Variants in GRAMD1C observed in about 807,000 individuals in gnomAD.
GRAMD1C encodes GRAM domain containing 1C.
A neutral mutation model predicts 97.8 loss-of-function variants in GRAMD1C; 89 were observed. That is an observed-to-expected ratio of 0.91 (90% CI 0.77 to 1.09). The LOEUF is 1.09. Among genes scored for constraint, GRAMD1C ranks in the 50% least tolerant of loss-of-function variants. The pLI is 0.00. For synonymous variants in GRAMD1C, 256 were observed against 267.0 expected, an observed-to-expected ratio of 0.96 and a Z score of 0.40; for missense variants, 740 against 766.4, an observed-to-expected ratio of 0.97 and a Z score of 0.41.
At chr3:113,944,702 T>A (rs963474488) in intron 17 of GRAMD1C, among the ~76,000 whole-genome samples, 1 of 152,194 alleles carries the variant, frequency 6.6e-6, no homozygotes, top group Non-Finnish European at 1.5e-5. Flanking sequence ...GTCTGTAAGC[T>A]CCATGAAGGA....
At chr3:113,863,657 C>T (rs1457891439) in intron 2 of GRAMD1C, among the ~76,000 whole-genome samples, 10 of 149,106 alleles carry the variant, frequency 6.7e-5, no homozygotes, top group Non-Finnish European at 1.5e-5. Context: ...AAGTAAGTGC[C>T]ATGTTGGTAT....
chr3:113,945,622 A>G lies in GRAMD1C; in HGVS notation c.*144A>G, dbSNP rs1016966722. The G allele has an allele frequency of 1.8e-6, 1 of 571,162 alleles. No individual in the cohort carries two copies. The highest frequency in any genetic ancestry group is 1.9e-5 in the African/African-American group (1 of 51,620). The allele number at this position is 571,162 out of a possible 1,614,324, so 35.4% of individuals were successfully genotyped here. A position where few individuals can be genotyped will look rare whatever the true frequency, so the allele number is the denominator to read the frequency against. On this transcript the variant is annotated 3_prime_UTR_variant, in exon 18 of 18. Transcript: ENST00000358160. ...TTCTAATATGAACATTTCTTTCAGT[A>G]ACATTTATTTGATAATTAGTTTCTG...
chr3:113,855,133 G>C (rs1206753922), intron 2 of GRAMD1C, among the ~76,000 whole-genome samples: 1 of 151,922 alleles, frequency 6.6e-6, no homozygotes, highest in Non-Finnish European at 1.5e-5. Flanking sequence ...CCAACATGGA[G>C]AAACCCTGTC....
chr3:113,900,977 T>G, intron 6 of GRAMD1C, 54 bp from the exon 7 acceptor site: 4 of 901,012 alleles, frequency 4.4e-6, no homozygotes, highest in Non-Finnish European at 7.4e-6. Flanking sequence ...TGAATCACTG[T>G]GATATTATAT....
Position 113,933,066 on chromosome 3 carries a change from A to T in GRAMD1C, c.1210-445A>T, listed in dbSNP as rs373576722. Among the ~76,000 whole-genome samples the T allele has an allele frequency of 1.4e-4, 21 of 152,112 alleles. 2 individuals carry two copies. Among genetic ancestry groups the T allele is most frequent in the African/African-American group, 5.1e-4 (21 of 41,496 alleles). ...CTCCTGGCTAATTTTTGTATTTTTA[A>T]GAGAGACGAAGTTTTGCCATGTTGG... is the stretch of plus-strand genomic sequence containing the variant. On this transcript the variant is annotated intron_variant, in intron 11 of 17. Coordinates refer to ENST00000358160, the MANE Select transcript of GRAMD1C (RefSeq NM_017577.5).
At chr3:113,851,280 T>A (rs903202778) in intron 2 of GRAMD1C, among the ~76,000 whole-genome samples, 1 of 152,162 alleles carries the variant, frequency 6.6e-6, no homozygotes. Context: ...ATAGGAGATC[T>A]CAGATTCCTC....
intron 14 of GRAMD1C, 130 bp downstream of exon 14, chr3:113,936,572 A>G: frequency 1.7e-6 from 1 of 585,618 alleles, no homozygotes; most frequent in Non-Finnish European, 3.0e-6. Flanking sequence ...AATGTTTATC[A>G]AACTCTGATT....
intron 7 of GRAMD1C, among the ~76,000 whole-genome samples, chr3:113,903,936 G>A (rs963664324): frequency 7.2e-6 from 1 of 138,052 alleles, no homozygotes; most frequent in Non-Finnish European, 1.7e-5. Context: ...TCCCATGTGA[G>A]TGTATCTTGT....
In GRAMD1C at chr3:113,945,444, A is replaced by G. The variant is rs149363738; in HGVS notation, c.1955A>G (p.Asn652Ser). The G allele has an allele frequency of 1.3e-4, 204 of 1,597,728 alleles. No homozygotes were observed. The highest frequency in any genetic ancestry group is 1.7e-4 in the Admixed American group (10 of 59,770). The part of the protein sequence containing the change: ...IMLQKTFDLL[N>S]KNKTGMAVES Reference sequence around the variant, plus strand: ...CTTCAGAAAACGTTTGATCTACTAAATAAGAATAAGACTGGCATGGCTGTT... The same window carrying G: ...CTTCAGAAAACGTTTGATCTACTAAGTAAGAATAAGACTGGCATGGCTGTT... The change falls in exon 18 of 18, where the codon AAT (asparagine) becomes AGT (serine). Residue 652 changes from asparagine (N) to serine (S), a missense_variant. Coordinates refer to ENST00000358160, the MANE Select transcript of GRAMD1C (RefSeq NM_017577.5).
chr3:113,876,142 A>G (rs755642282), intron 4 of GRAMD1C, 23 bp from the exon 5 acceptor site: 2 of 1,154,714 alleles, frequency 1.7e-6, no homozygotes, highest in Admixed American at 3.7e-5. Context: ...AAAATACATT[A>G]AAAAAATTTT....
Position 113,838,852 on chromosome 3 carries a change from G to C in GRAMD1C, c.-58G>C. 8.3e-7 allele frequency: 1 copy of C among 1,200,420 alleles called. No individual in the cohort carries two copies. The highest frequency in any genetic ancestry group is 1.0e-6 in the Non-Finnish European group (1 of 960,408). 74.4% of individuals were successfully genotyped at this position (1,200,420 alleles called of 1,614,324 possible). On this transcript the variant is annotated 5_prime_UTR_variant, in exon 1 of 18. Transcript: ENST00000358160. ...CTCGCAGCGCGCGCTGGAGGTGGGC[G>C]CGGGGCGGTGCGGTGCGGTGCGCGC... is the stretch of plus-strand genomic sequence containing the variant.
chr3:113,881,069 C>T (rs544019439), intron 5 of GRAMD1C, among the ~76,000 whole-genome samples: 2 of 152,160 alleles, frequency 1.3e-5, no homozygotes, highest in South Asian at 2.1e-4. Context: ...TATGCCCCAG[C>T]GACTTAGAGG....
intron 8 of GRAMD1C, among the ~76,000 whole-genome samples, chr3:113,904,718 TGCTTTTTAA>T (rs568310351): frequency 6.7e-4 from 102 of 152,296 alleles, no homozygotes; most frequent in African/African-American, 2.3e-3. Context: ...TAACAATAGC[TGCTTTTTAA>T]GCTTTTTAAG....
chr3:113,866,487 A>T (rs140537703), intron 2 of GRAMD1C, among the ~76,000 whole-genome samples: 91 of 152,218 alleles, frequency 6.0e-4, no homozygotes, highest in Non-Finnish European at 1.0e-3. Context: ...TGTTTTATCT[A>T]GTTTGACAAT....
At position 113,934,431 on chromosome 3, in the gene GRAMD1C, G is replaced by C. The variant is rs139620995; in HGVS notation, c.1353-1G>C. On this transcript the variant is annotated splice_acceptor_variant, in intron 12 of 17. Transcript: ENST00000358160. LOFTEE classifies it high-confidence loss of function. ...ATATTCTTTCCTTCTTATTCTACTAGAGTTTCCACAGATTTGAAATACAGA... is the reference window on the plus strand; with the variant it reads ...ATATTCTTTCCTTCTTATTCTACTACAGTTTCCACAGATTTGAAATACAGA... 2.5e-5 allele frequency: 34 copies of C among 1,366,906 alleles called. No individual in the cohort carries two copies. Among genetic ancestry groups the C allele is most frequent in the Non-Finnish European group, 3.2e-5 (31 of 972,022 alleles). The allele number at this position is 1,366,906 out of a possible 1,614,324, so 84.7% of individuals were successfully genotyped here.
At chr3:113,840,213 G>A (rs1299831312) in intron 1 of GRAMD1C, among the ~76,000 whole-genome samples, 1 of 152,062 alleles carries the variant, frequency 6.6e-6, no homozygotes, top group Non-Finnish European at 1.5e-5. Context: ...TGATCCGCCC[G>A]CCTCGGCCTC....
At chr3:113,861,881 A>G (rs1934390203) in intron 2 of GRAMD1C, among the ~76,000 whole-genome samples, 2 of 152,198 alleles carry the variant, frequency 1.3e-5, no homozygotes. Flanking sequence ...AAAGGGACAG[A>G]GTACAAAAGA....
chr3:113,938,583 CT>C (rs1341115383), intron 15 of GRAMD1C: 2 of 152,968 alleles, frequency 1.3e-5, no homozygotes, highest in African/African-American at 4.8e-5. Context: ...TTCTTGACCC[CT>C]GTCTCAGAGA....
At chr3:113,933,478 T>G (rs116705499) in intron 11 of GRAMD1C, 33 bp from the exon 12 acceptor site, 1 of 1,519,104 alleles carries the variant, frequency 6.6e-7, no homozygotes, top group Non-Finnish European at 9.1e-7. Flanking sequence ...ATTAAGCATA[T>G]ACATACAAAC....
Sources: allele counts gnomAD v4.1 joint callset (sites outside exome capture counted in the v4.1 genomes callset), GRCh38; gene constraint gnomAD v4.1.1; transcripts MANE v1.5; gene names NCBI Gene and HGNC (gene_info 2026-07-23, HGNC 2026-07-21).